The following ADD1 variants were observed in gnomAD, a reference collection of about 807,000 sequenced individuals.
ADD1 encodes alpha-adducin.
Under a neutral mutation model 80.5 loss-of-function variants are expected in ADD1, and 24 were observed. The observed-to-expected ratio is 0.30, with a 90% CI of 0.22 to 0.42. ADD1 has a LOEUF of 0.42. ADD1 is among the 10% of genes least tolerant of loss of function. The probability of loss-of-function intolerance (pLI) is 1.00; values close to 1 mark genes in which losing one functional copy is unlikely to be tolerated. For synonymous variants in ADD1, 373 were observed against 393.8 expected (o/e 0.95, Z 0.63); for missense variants, 948 against 1,019.0 (o/e 0.93, Z 0.95).
At chr4:2,883,365 A>C (rs77239670) in intron 3 of ADD1, among the ~76,000 whole-genome samples, 3 of 151,702 alleles carry the variant, frequency 2.0e-5, no homozygotes, top group African/African-American at 7.3e-5. Flanking sequence ...AAACATAGTC[A>C]GTGTGTTTCA....
intron 1 of ADD1, among the ~76,000 whole-genome samples, chr4:2,866,039 T>C (rs1475803739): frequency 1.3e-5 from 2 of 152,264 alleles, no homozygotes; most frequent in Non-Finnish European, 2.9e-5. Context: ...AGCATACTTA[T>C]AAAATTATTT....
chr4:2,899,673 G>A, intron 9 of ADD1: 1 of 533,306 alleles, frequency 1.9e-6, no homozygotes, highest in East Asian at 3.6e-5. Flanking sequence ...TGGACTCAGT[G>A]GGGACAAGAG....
At chr4:2,876,178 C>T in intron 2 of ADD1, 68 bp downstream of exon 2, 1 of 1,465,430 alleles carries the variant, frequency 6.8e-7, no homozygotes. Flanking sequence ...GGTCTTATGC[C>T]CTGTTGTATG....
At chr4:2,861,019 A>G (rs973478254) in intron 1 of ADD1, among the ~76,000 whole-genome samples, 4 of 152,192 alleles carry the variant, frequency 2.6e-5, no homozygotes, top group African/African-American at 9.7e-5. Flanking sequence ...CAGGGAAGCA[A>G]ACTTCAAAAT....
At chr4:2,852,207 C>CCTTT (rs370224375) in intron 1 of ADD1, among the ~76,000 whole-genome samples, 4,077 of 65,794 alleles carry the variant, frequency 0.062, 278 homozygotes, top group East Asian at 0.11. Flanking sequence ...TCCTTTCTTT[C>CCTTT]CTTTCCTTTC....
chr4:2,906,182 G>T (rs574004802), intron 10 of ADD1, among the ~76,000 whole-genome samples: 1 of 152,198 alleles, frequency 6.6e-6, no homozygotes, highest in South Asian at 2.1e-4. Context: ...TTTTCCTGAC[G>T]CAGTTGGTGA....
chr4:2,923,702 C>G (rs1036341893), intron 14 of ADD1, among the ~76,000 whole-genome samples: 2 of 152,258 alleles, frequency 1.3e-5, no homozygotes, highest in African/African-American at 4.8e-5. Flanking sequence ...CTCAGCATTG[C>G]TGAGCAGTCA....
At chr4:2,913,470 A>T (rs1738423636) in intron 13 of ADD1, among the ~76,000 whole-genome samples, 2 of 152,182 alleles carry the variant, frequency 1.3e-5, no homozygotes, top group African/African-American at 2.4e-5. Flanking sequence ...GCAACTTCTT[A>T]ACGAAAAGCC....
intron 1 of ADD1, chr4:2,844,242 C>G (rs1240887821): frequency 6.6e-6 from 1 of 152,156 alleles, no homozygotes; most frequent in Non-Finnish European, 1.5e-5. Context: ...GAGGGCGCCG[C>G]AGATCTTTCA....
At chr4:2,875,867 C>G (rs1416390748) in intron 1 of ADD1, 29 bp from the exon 2 acceptor site, 4 of 1,498,994 alleles carry the variant, frequency 2.7e-6, no homozygotes, top group Non-Finnish European at 3.6e-6. Flanking sequence ...GATTTGAAAA[C>G]AATAATTTCT....
At chr4:2,847,392 A>G (rs1726399774) in intron 1 of ADD1, among the ~76,000 whole-genome samples, 1 of 127,872 alleles carries the variant, frequency 7.8e-6, no homozygotes, top group African/African-American at 3.1e-5. Context: ...TGGGCAACAA[A>G]AGCGAAACTC....
At chr4:2,919,220 T>G (rs1739594092) in intron 14 of ADD1, among the ~76,000 whole-genome samples, 1 of 152,242 alleles carries the variant, frequency 6.6e-6, no homozygotes, top group Non-Finnish European at 1.5e-5. Context: ...GATGTGCTGC[T>G]GGATTCGGTT....
Position 2,926,685 on chromosome 4 carries a change from G to A in ADD1, c.2047+573G>A, listed in dbSNP as rs754397706. 2.5e-5 allele frequency: 41 copies of A among 1,613,424 alleles called. No individual in the cohort carries two copies. The highest frequency in any genetic ancestry group is 1.6e-4 in the Middle Eastern group (1 of 6,082). ...AGTACCTGTTACCCTAGTAAGTACC[G>A]TGCTGCCTCCGCTCTCCACCGGTGC... On this transcript the variant is annotated intron_variant, in intron 15 of 15. Coordinates refer to ENST00000683351, the MANE Select transcript of ADD1 (RefSeq NM_001354761.2). This position sits in a 1 kb window ranked among gnomAD's most constrained non-coding sequence, Gnocchi z 5.0.
chr4:2,880,463 CTTTTTTTTT>C (rs1167878841), intron 2 of ADD1, among the ~76,000 whole-genome samples: 9 of 63,172 alleles, frequency 1.4e-4, no homozygotes, highest in South Asian at 6.9e-4. Context: ...TTCTTTCTTT[CTTTTTTTTT>C]TTTTTTTTTT....
intron 3 of ADD1, among the ~76,000 whole-genome samples, chr4:2,883,571 TC>T (rs1204699555): frequency 1.3e-5 from 2 of 152,184 alleles, no homozygotes; most frequent in African/African-American, 4.8e-5. Flanking sequence ...TCTTGCTCTT[TC>T]ACCCATGCTG....
chr4:2,898,497 A>G lies in ADD1; in HGVS notation c.950A>G (p.Tyr317Cys), dbSNP rs1006381446. The G allele has an allele frequency of 6.2e-7, 1 of 1,614,082 alleles. No individual in the cohort carries two copies. The highest frequency in any genetic ancestry group is 1.3e-5 in the African/African-American group (1 of 74,932). The change falls in exon 8 of 16, where the codon TAC becomes TGC. Residue 317 changes from tyrosine to cysteine, a missense_variant. Physicochemically the swap from Tyr to Cys is radical, Grantham distance 194. Transcript: ENST00000683351. ...VGESVEEAFYYIHNLVVACEI... is the reference protein window; with the variant it reads ...VGESVEEAFYCIHNLVVACEI... ...GAGAGCGTTGAGGAGGCCTTCTATT[A>G]CATCCATAACCTTGTGGTTGCCTGT...
chr4:2,920,988 C>T (rs969542273), intron 14 of ADD1, among the ~76,000 whole-genome samples: 4 of 152,116 alleles, frequency 2.6e-5, no homozygotes, highest in African/African-American at 9.7e-5. Context: ...TTTTGCTCTC[C>T]ATATTTAGTG....
chr4:2,892,856 A>AT (rs1269886242), intron 4 of ADD1, among the ~76,000 whole-genome samples: 1 of 151,792 alleles, frequency 6.6e-6, no homozygotes, highest in African/African-American at 2.4e-5. Flanking sequence ...AAAAACAAAA[A>AT]AAAAAACAGA....
chr4:2,870,284 T>A (rs1730224931), intron 1 of ADD1, among the ~76,000 whole-genome samples: 1 of 152,242 alleles, frequency 6.6e-6, no homozygotes, highest in African/African-American at 2.4e-5. Flanking sequence ...GCTGCAGTAC[T>A]TCTGCTAAGA....
Sources: gnomAD v4.1 joint callset for allele counts (sites outside exome capture counted in the v4.1 genomes callset) on GRCh38, gnomAD v4.1.1 for gene constraint, Gnocchi (gnomAD v3.1) non-coding constraint, MANE v1.5 for transcripts, NCBI Gene and HGNC (gene_info 2026-07-23, HGNC 2026-07-21) for gene names.